The following PCNX1 variants were observed in gnomAD, a reference collection of about 807,000 sequenced individuals.
The protein encoded by PCNX1 is pecanex-like protein 1.
In PCNX1, 78 loss-of-function variants were observed where a neutral mutation model predicts 242.2. That is an observed-to-expected ratio of 0.32 (90% CI 0.27 to 0.39). The LOEUF is 0.39. PCNX1 is among the 10% of genes least tolerant of loss of function. PCNX1 has a pLI of 1.00. For synonymous variants in PCNX1, 1,024 were observed against 1,032.9 expected, an observed-to-expected ratio of 0.99 and a Z score of 0.17; for missense variants, 2,581 against 2,856.5, an observed-to-expected ratio of 0.90 and a Z score of 2.20.
intron 11 of PCNX1, among the ~76,000 whole-genome samples, chr14:71,015,085 A>G (rs867486029): frequency 5.3e-5 from 8 of 152,330 alleles, no homozygotes; most frequent in South Asian, 4.1e-4. Context: ...TCAACCTACA[A>G]TTCTATACAT....
At chr14:71,010,666 C>G (rs1481594045) in intron 9 of PCNX1, among the ~76,000 whole-genome samples, 1 of 151,986 alleles carries the variant, frequency 6.6e-6, no homozygotes, top group African/African-American at 2.4e-5. Flanking sequence ...TCAAATTGCA[C>G]TTTGAAGCCT....
rs2062834869 is a variant in PCNX1, at chr14:71,115,221, T to C, written c.*5286T>C. On this transcript the variant is annotated 3_prime_UTR_variant, in exon 36 of 36. Transcript: ENST00000304743. Reference sequence around the variant, plus strand: ...GGACATATGTACTTACGTGTGTCTGTGAGTGTGTGTGTGTCTGAGTGTTAT... The same window carrying C: ...GGACATATGTACTTACGTGTGTCTGCGAGTGTGTGTGTGTCTGAGTGTTAT... 1 of 152,598 alleles carries C rather than the reference T, an allele frequency of 6.6e-6. No individual in the cohort carries two copies. Among genetic ancestry groups the C allele is most frequent in the Non-Finnish European group, 1.5e-5 (1 of 68,024 alleles). The allele number at this position is 152,598 out of a possible 1,614,324, so 9.5% of individuals were successfully genotyped here. A position where few individuals can be genotyped will look rare whatever the true frequency, so the allele number is the denominator to read the frequency against.
At chr14:71,014,636 G>C (rs1019442294) in intron 11 of PCNX1, among the ~76,000 whole-genome samples, 1 of 152,134 alleles carries the variant, frequency 6.6e-6, no homozygotes, top group African/African-American at 2.4e-5. Flanking sequence ...TAGAAGAAAA[G>C]ATTATTGAAC....
At chr14:70,913,504 T>C (rs2056018668) in intron 1 of PCNX1, among the ~76,000 whole-genome samples, 1 of 152,208 alleles carries the variant, frequency 6.6e-6, no homozygotes, top group Admixed American at 6.5e-5. Flanking sequence ...ATACATGATA[T>C]ATACAGTAAT....
Position 71,057,543 on chromosome 14 carries a change from T to A in PCNX1, c.4671T>A (p.Tyr1557Ter). The A allele has an allele frequency of 6.2e-7, 1 of 1,613,560 alleles. No individual in the cohort carries two copies. Among genetic ancestry groups the A allele is most frequent in the Non-Finnish European group, 8.5e-7 (1 of 1,179,498 alleles). ...SDDNNLNSIF[Y>*]EHLTRSLQHS... The stretch of plus-strand genomic sequence containing the variant: ...ACAACAATCTGAATTCCATCTTTTA[T>A]GAGCATTTAACTAGATCCCTACAGC... The change falls in exon 26 of 36, where the codon TAT becomes TAA. Residue 1557 changes from tyrosine to a stop codon, truncating the protein, a stop_gained. Transcript: ENST00000304743. LOFTEE classifies it high-confidence loss of function.
intron 19 of PCNX1, among the ~76,000 whole-genome samples, chr14:71,039,694 C>T (rs970364216): frequency 1.3e-5 from 2 of 152,148 alleles, no homozygotes; most frequent in African/African-American, 2.4e-5. Flanking sequence ...ATCAGTAGAC[C>T]TCCATGATCG....
chr14:71,027,322 C>A (rs923146113), intron 15 of PCNX1: 2 of 151,970 alleles, frequency 1.3e-5, no homozygotes, highest in African/African-American at 4.8e-5. Context: ...ATGGTAACAC[C>A]AAAACCAGAA....
intron 2 of PCNX1, among the ~76,000 whole-genome samples, chr14:70,951,155 A>T (rs945966631): frequency 6.6e-6 from 1 of 151,918 alleles, no homozygotes; most frequent in East Asian, 1.9e-4. Context: ...TAAGTAACAA[A>T]TTTTTTCCCT....
At chr14:70,969,454 C>A (rs968265896) in intron 5 of PCNX1, among the ~76,000 whole-genome samples, 1 of 152,188 alleles carries the variant, frequency 6.6e-6, no homozygotes, top group African/African-American at 2.4e-5. Context: ...AAAACTGTTA[C>A]TTTCCATTCA....
At chr14:70,990,868 T>A (rs1215287199) in intron 7 of PCNX1, among the ~76,000 whole-genome samples, 1 of 152,180 alleles carries the variant, frequency 6.6e-6, no homozygotes, top group Admixed American at 6.5e-5. Context: ...TTTATTTTAC[T>A]TTTTCTATTT....
intron 31 of PCNX1, 121 bp downstream of exon 31, chr14:71,102,341 A>G (rs544273633): frequency 3.1e-6 from 2 of 651,618 alleles, no homozygotes; most frequent in Non-Finnish European, 2.7e-6. Context: ...TGGCATGATC[A>G]TGGGCTTACT....
intron 26 of PCNX1, among the ~76,000 whole-genome samples, chr14:71,058,279 A>G (rs2061235864): frequency 6.6e-6 from 1 of 152,204 alleles, no homozygotes; most frequent in South Asian, 2.1e-4. Flanking sequence ...ATCACTCCAA[A>G]ATAAAACGGT....
At chr14:71,063,361 T>C (rs1179709729) in intron 26 of PCNX1, among the ~76,000 whole-genome samples, 1 of 152,232 alleles carries the variant, frequency 6.6e-6, no homozygotes, top group African/African-American at 2.4e-5. Flanking sequence ...TTTTAGAATA[T>C]AGGCAGATTG....
intron 21 of PCNX1, 97 bp from the exon 22 acceptor site, chr14:71,047,710 A>G: frequency 5.1e-6 from 5 of 983,458 alleles, no homozygotes; most frequent in Non-Finnish European, 7.6e-6. Context: ...TGTATATATT[A>G]TAAGCTTAGT....
At position 71,112,561 on chromosome 14, in the gene PCNX1, T is replaced by C. The variant is rs2062772763; in HGVS notation, c.*2626T>C. 1 of 152,094 alleles carries C rather than the reference T, an allele frequency of 6.6e-6. No homozygotes were observed. Among genetic ancestry groups the C allele is most frequent in the Non-Finnish European group, 1.5e-5 (1 of 67,938 alleles). The allele number at this position is 152,094 out of a possible 1,614,324, so 9.4% of individuals were successfully genotyped here. On this transcript the variant is annotated 3_prime_UTR_variant, in exon 36 of 36. Coordinates refer to ENST00000304743, the MANE Select transcript of PCNX1 (RefSeq NM_014982.3). ...TTTCTTAAGAATAATTTGATCTAAA[T>C]TATTATATGGAAATAAACATACTTG...
chr14:71,042,781 T>C (rs2141063459), intron 19 of PCNX1, among the ~76,000 whole-genome samples: 1 of 152,296 alleles, frequency 6.6e-6, no homozygotes, highest in East Asian at 1.9e-4. Flanking sequence ...TTTCTGAATG[T>C]TTTACATATC....
intron 27 of PCNX1, among the ~76,000 whole-genome samples, chr14:71,075,261 G>A (rs1003790330): frequency 1.1e-4 from 16 of 151,944 alleles, no homozygotes; most frequent in Non-Finnish European, 1.9e-4. Context: ...AAAGTGCTGG[G>A]GTTATAGGTG....
At chr14:71,070,535 C>T (rs1467971696) in intron 26 of PCNX1, among the ~76,000 whole-genome samples, 1 of 152,204 alleles carries the variant, frequency 6.6e-6, no homozygotes, top group Non-Finnish European at 1.5e-5. Context: ...GCAGGCAACA[C>T]TAATGTCTTG....
At position 70,959,498 on chromosome 14, in the gene PCNX1, C is replaced by T. The variant is rs368004145; in HGVS notation, c.363-2728C>T. On this transcript the variant is annotated intron_variant, in intron 2 of 35. Transcript: ENST00000304743. ...TGCGGTGTTTGGTTTTTTGTTCTTGCGATAGTTTACTGAGAATGATGATTT... is the reference window on the plus strand; with the variant it reads ...TGCGGTGTTTGGTTTTTTGTTCTTGTGATAGTTTACTGAGAATGATGATTT... 1.5e-4 allele frequency among the ~76,000 whole-genome samples: 23 copies of T among 150,300 alleles called. No individual in the cohort carries two copies. In the South Asian group the frequency reaches 3.4e-3, roughly 22 times the overall value.
Sources: allele counts gnomAD v4.1 joint callset (sites outside exome capture counted in the v4.1 genomes callset), GRCh38; gene constraint gnomAD v4.1.1; transcripts MANE v1.5; gene names NCBI Gene and HGNC (gene_info 2026-07-23, HGNC 2026-07-21).